OR6C6: variants seen among roughly 807,000 people sequenced by gnomAD.
OR6C6 encodes olfactory receptor 6C6.
For synonymous variants in OR6C6, 140 were observed against 135.2 expected (o/e 1.04, Z -0.25); for missense variants, 411 against 366.8 (o/e 1.12, Z -0.98).
At position 55,296,535 on chromosome 12, in the gene OR6C6, T is replaced by C. The variant is rs1868257210; in HGVS notation, c.-242A>G. 6.6e-6 allele frequency: 1 copy of C among 152,150 alleles called. No individual in the cohort carries two copies. The highest frequency in any genetic ancestry group is 1.9e-4 in the East Asian group (1 of 5,180). The allele number at this position is 152,150 out of a possible 1,614,324, so 9.4% of individuals were successfully genotyped here. ...ACTTCATCCTCACTATAAAGATTGA[T>C]ACTCAGATATTAATAATTTTAATGG... On this transcript the variant is annotated 5_prime_UTR_variant, in exon 1 of 2. Coordinates refer to ENST00000358433, the MANE Select transcript of OR6C6 (RefSeq NM_001005493.2).
In OR6C6 at chr12:55,294,654, T is replaced by G; in HGVS notation, c.579A>C (p.Leu193=). 6.2e-7 allele frequency: 1 copy of G among 1,614,048 alleles called. No individual in the cohort carries two copies. The highest frequency in any genetic ancestry group is 1.1e-5 in the South Asian group (1 of 91,070). ...CAGCTAAGGTAAAAGACATCAATTC[T>G]AGGACATGGGTATCTGTGCAGGAGA... ...LQISCTDTHV[L]ELMSFTLAVV... Residue 193 remains leucine, a synonymous_variant, in exon 2 of 2, where the codon CTA becomes CTC. Transcript: ENST00000358433.
Position 55,295,217 on chromosome 12 carries a change from T to C in OR6C6, c.16A>G (p.Met6Val), listed in dbSNP as rs778156344. Residue 6 changes from methionine to valine, a missense_variant, in exon 2 of 2, where the codon ATG (methionine) becomes GTG (valine). Coordinates refer to ENST00000358433, the MANE Select transcript of OR6C6 (RefSeq NM_001005493.2). ...CCTAGGAGAATGAACTCTATTTCCA[T>C]TGATTTGTTCTTCATTTCTCTTTTG... MKNKS[M>V]EIEFILLGLT... 3 of 1,599,610 alleles carry C rather than the reference T, an allele frequency of 1.9e-6. No individual in the cohort carries two copies. The highest frequency in any genetic ancestry group is 2.2e-5 in the South Asian group (2 of 89,092).
intron 1 of OR6C6, among the ~76,000 whole-genome samples, chr12:55,295,540 C>A (rs1868251780): frequency 6.6e-6 from 1 of 151,954 alleles, no homozygotes; most frequent in Non-Finnish European, 1.5e-5. Context: ...CTCTACTCTG[C>A]ATTTGTAATT....
chr12:55,294,713 G>T lies in OR6C6; in HGVS notation c.520C>A (p.His174Asn), dbSNP rs1490593942. The stretch of plus-strand genomic sequence containing the variant: ...ATAGGAGAAGTTTCACACATAAAGT[G>T]GTCAATAGTTTTGGAAGCACAAAAA... ...LDFCASKTID[H>N]FMCETSPILQ... The change falls in exon 2 of 2, where the codon CAC (histidine) becomes AAC (asparagine). Residue 174 changes from histidine (H) to asparagine (N), a missense_variant. By Grantham distance (68) the His-to-Asn change is moderately conservative. Transcript: ENST00000358433. The T allele has an allele frequency of 1.2e-6, 2 of 1,613,888 alleles. No individual in the cohort carries two copies. Among genetic ancestry groups the T allele is most frequent in the East Asian group, 2.2e-5 (1 of 44,856 alleles).
In OR6C6 at chr12:55,295,264, A is replaced by G. The variant is rs1329608760; in HGVS notation, c.-25-7T>C. On this transcript the variant is annotated splice_region_variant and splice_polypyrimidine_tract_variant and intron_variant, in intron 1 of 1. Transcript: ENST00000358433. ...TTTGTGATCCTTATCAAATCTACAT[A>G]GAAAGGGAAAAACAAAATTTATACA... The G allele has an allele frequency of 6.4e-6, 9 of 1,399,904 alleles. No homozygotes were observed. The highest frequency in any genetic ancestry group is 8.8e-6 in the Non-Finnish European group (9 of 1,021,364). The allele number at this position is 1,399,904 out of a possible 1,614,324, so 86.7% of individuals were successfully genotyped here.
At chr12:55,296,081 T>C (rs972434167) in intron 1 of OR6C6, among the ~76,000 whole-genome samples, 3 of 144,294 alleles carry the variant, frequency 2.1e-5, no homozygotes, top group Admixed American at 1.3e-4. Flanking sequence ...AGTCCCAGTT[T>C]GTAATATTTT....
At chr12:55,296,137 C>T (rs894836864) in intron 1 of OR6C6, among the ~76,000 whole-genome samples, 182 bp downstream of exon 1, 61 of 150,790 alleles carry the variant, frequency 4.0e-4, no homozygotes, top group African/African-American at 1.4e-3. Flanking sequence ...ATTGATGCAA[C>T]AGTATATGAA....
Position 55,294,487 on chromosome 12 carries a change from G to T in OR6C6, c.746C>A (p.Thr249Lys). ...CTSHMIVVSM[T>K]YGSCIFMYIK... ...ATACATAAAGATACAGCTACCGTAT[G>T]TCATGGAGACAACAATCATGTGGGA... Residue 249 changes from threonine to lysine, a missense_variant, in exon 2 of 2, where the codon ACA (threonine) becomes AAA (lysine). Thr to Lys is a moderately conservative substitution (Grantham distance 78). Coordinates refer to ENST00000358433, the MANE Select transcript of OR6C6 (RefSeq NM_001005493.2). The T allele has an allele frequency of 6.2e-7, 1 of 1,613,446 alleles. No homozygotes were observed. Among genetic ancestry groups the T allele is most frequent in the South Asian group, 1.1e-5 (1 of 91,064 alleles).
rs374548635 is a variant in OR6C6, at chr12:55,294,814, T to C, written c.419A>G (p.Tyr140Cys). ...YPIIMSSKVC[Y>C]QLVLSSWVTG... ...TACCCAAGAGCTAAGTACAAGTTGG[T>C]AGCAGACTTTGCTGCTCATAATGAT... Residue 140 changes from tyrosine to cysteine, a missense_variant, in exon 2 of 2, where the codon TAC (tyrosine) becomes TGC (cysteine). Tyr to Cys is a radical substitution (Grantham distance 194). Coordinates refer to ENST00000358433, the MANE Select transcript of OR6C6 (RefSeq NM_001005493.2). The C allele has an allele frequency of 6.2e-7, 1 of 1,614,032 alleles. No homozygotes were observed.
chr12:55,295,052 G>T lies in OR6C6; in HGVS notation c.181C>A (p.Leu61Ile). 6.2e-7 allele frequency: 1 copy of T among 1,614,008 alleles called. No individual in the cohort carries two copies. The highest frequency in any genetic ancestry group is 1.7e-4 in the Middle Eastern group (1 of 6,060). Residue 61 changes from leucine (L) to isoleucine (I), a missense_variant, in exon 2 of 2, where the codon CTC (leucine) becomes ATC (isoleucine). Leu to Ile is a conservative substitution (Grantham distance 5). Coordinates refer to ENST00000358433, the MANE Select transcript of OR6C6 (RefSeq NM_001005493.2). ...ACTTCCAAAAAGGAGAAATTACGGA[G>T]AAAGAAATACATTGGCGTCTTGAGC... Reference protein sequence around the residue: ...PRLKTPMYFFLRNFSFLEVIF... With the variant: ...PRLKTPMYFFIRNFSFLEVIF...
In OR6C6 at chr12:55,294,807, A is replaced by G. The variant is rs1868247261; in HGVS notation, c.426T>C (p.Leu142=). ...ATCCAGTTACCCAAGAGCTAAGTAC[A>G]AGTTGGTAGCAGACTTTGCTGCTCA... The part of the protein sequence containing the change: ...IIMSSKVCYQ[L]VLSSWVTGFL... Residue 142 remains leucine, a synonymous_variant, in exon 2 of 2, where the codon CTT becomes CTC. Transcript: ENST00000358433. 1 of 1,613,918 alleles carries G rather than the reference A, an allele frequency of 6.2e-7. No homozygotes were observed. The highest frequency in any genetic ancestry group is 8.5e-7 in the Non-Finnish European group (1 of 1,179,942).
chr12:55,295,577 A>T (rs923976687), intron 1 of OR6C6, among the ~76,000 whole-genome samples: 3 of 151,884 alleles, frequency 2.0e-5, no homozygotes, highest in Non-Finnish European at 2.9e-5. Flanking sequence ...AATATTTTAA[A>T]TTTTTTTCTC....
At position 55,295,046 on chromosome 12, in the gene OR6C6, T is replaced by C; in HGVS notation, c.187A>G (p.Asn63Asp). Reference protein sequence around the residue: ...LKTPMYFFLRNFSFLEVIFTT... With the variant: ...LKTPMYFFLRDFSFLEVIFTT... ...AATATTACTTCCAAAAAGGAGAAAT[T>C]ACGGAGAAAGAAATACATTGGCGTC... The change falls in exon 2 of 2, where the codon AAT becomes GAT. Residue 63 changes from asparagine (N) to aspartate (D), a missense_variant. Transcript: ENST00000358433. 1.2e-6 allele frequency: 2 copies of C among 1,613,944 alleles called. No individual in the cohort carries two copies. Among genetic ancestry groups the C allele is most frequent in the Non-Finnish European group, 1.7e-6 (2 of 1,179,974 alleles).
chr12:55,294,453 T>A lies in OR6C6; in HGVS notation c.780A>T (p.Pro260=), dbSNP rs1954572122. 1.2e-6 allele frequency: 2 copies of A among 1,613,800 alleles called. No homozygotes were observed. The highest frequency in any genetic ancestry group is 1.3e-5 in the African/African-American group (1 of 75,024). ...ATACAGTCACTCTTTCTTTTGCAGA[T>A]GGTTTAATATACATAAAGATACAGC... ...YGSCIFMYIK[P]SAKERVTVSK... The change falls in exon 2 of 2, where the codon CCA becomes CCT. Residue 260 remains proline, a synonymous_variant. Coordinates refer to ENST00000358433, the MANE Select transcript of OR6C6 (RefSeq NM_001005493.2).
rs1476441959 is a variant in OR6C6, at chr12:55,295,183, T to C, written c.50A>G (p.Asp17Gly). 7 of 1,613,344 alleles carry C rather than the reference T, an allele frequency of 4.3e-6. No homozygotes were observed. In the South Asian group the frequency reaches 7.7e-5, roughly 18 times the overall value. The change falls in exon 2 of 2, where the codon GAT becomes GGT. Residue 17 changes from aspartate (D) to glycine (G), a missense_variant. Physicochemically the swap from Asp to Gly is moderately conservative, Grantham distance 94. Coordinates refer to ENST00000358433, the MANE Select transcript of OR6C6 (RefSeq NM_001005493.2). ...EIEFILLGLT[D>G]DPQLQIVIFL... ...AATCACAATTTGCAACTGTGGGTCA[T>C]CTGTCAATCCTAGGAGAATGAACTC...
rs148643080 is a variant in OR6C6 at position 55,294,369 on chromosome 12, A to G, written c.864T>C (p.Tyr288=). 7.4e-6 allele frequency: 12 copies of G among 1,613,502 alleles called. No individual in the cohort carries two copies. Among genetic ancestry groups the G allele is most frequent in the African/African-American group, 2.7e-5 (2 of 74,936 alleles). Reference sequence around the variant, plus strand: ...CTTTCACCTGCTGGTTTCTGAGAGTATAAATGAAGGGATTTAGTAAAGGGG... The same window carrying G: ...CTTTCACCTGCTGGTTTCTGAGAGTGTAAATGAAGGGATTTAGTAAAGGGG... The part of the protein sequence containing the change: ...SIAPLLNPFI[Y]TLRNQQVKEV... Residue 288 remains tyrosine, a synonymous_variant, in exon 2 of 2, where the codon TAT becomes TAC. Transcript: ENST00000358433.
rs1954569369 is a variant in OR6C6 at position 55,294,138 on chromosome 12, G to C, written c.*150C>G. 9.0e-6 allele frequency: 5 copies of C among 557,826 alleles called. No homozygotes were observed. Among genetic ancestry groups the C allele is most frequent in the Non-Finnish European group, 1.6e-5 (5 of 312,324 alleles). The allele number at this position is 557,826 out of a possible 1,614,324, so 34.6% of individuals were successfully genotyped here. A position where few individuals can be genotyped will look rare whatever the true frequency, so the allele number is the denominator to read the frequency against. The stretch of plus-strand genomic sequence containing the variant: ...TTTTGTACTTTTAAGTAGAGACGGG[G>C]TTTCACCATGTTGGCCAGGCTGGTC... On this transcript the variant is annotated 3_prime_UTR_variant, in exon 2 of 2. Transcript: ENST00000358433.
At chr12:55,295,800 C>T (rs1192791768) in intron 1 of OR6C6, among the ~76,000 whole-genome samples, 4 of 151,902 alleles carry the variant, frequency 2.6e-5, no homozygotes, top group Admixed American at 2.6e-4. Context: ...ATATTATTAA[C>T]ATTATTTTTA....
rs1954568816 is a variant in OR6C6 at position 55,294,093 on chromosome 12, C to T, written c.*195G>A. 6.6e-6 allele frequency: 3 copies of T among 456,960 alleles called. No individual in the cohort carries two copies. Among genetic ancestry groups the T allele is most frequent in the Non-Finnish European group, 1.2e-5 (3 of 252,224 alleles). The allele number at this position is 456,960 out of a possible 1,614,324, so 28.3% of individuals were successfully genotyped here. The stretch of plus-strand genomic sequence containing the variant: ...CTGAGTAGCTGGGATTACAGGCACT[C>T]TCCACCACGCCCAGCTAATTTTTGT... On this transcript the variant is annotated 3_prime_UTR_variant, in exon 2 of 2. Coordinates refer to ENST00000358433, the MANE Select transcript of OR6C6 (RefSeq NM_001005493.2).
Sources: gnomAD v4.1 joint callset for allele counts (sites outside exome capture counted in the v4.1 genomes callset) on GRCh38, gnomAD v4.1.1 for gene constraint, MANE v1.5 for transcripts, NCBI Gene and HGNC (gene_info 2026-07-23, HGNC 2026-07-21) for gene names.